Variants in CFAP20DC observed in about 807,000 individuals in gnomAD.
CFAP20DC encodes the protein protein CFAP20DC.
In CFAP20DC, 84 loss-of-function variants were observed where a neutral mutation model predicts 101.7. That is an observed-to-expected ratio of 0.83 (90% CI 0.69 to 0.99). The LOEUF (loss-of-function observed/expected upper bound fraction) is 0.99, where lower values mean the gene tolerates loss of function less well. Ranked by LOEUF, CFAP20DC falls within the 50% of genes least tolerant of loss-of-function variation. The probability of loss-of-function intolerance (pLI) is 0.00; values close to 1 mark genes in which losing one functional copy is unlikely to be tolerated. For synonymous variants in CFAP20DC, 359 were observed against 351.2 expected (o/e 1.02, Z -0.25); for missense variants, 1,007 against 970.3 (o/e 1.04, Z -0.50).
At chr3:58,785,599 C>T (rs2072260148) in intron 15 of CFAP20DC, among the ~76,000 whole-genome samples, 6 of 151,988 alleles carry the variant, frequency 3.9e-5, no homozygotes, top group Admixed American at 3.9e-4. Context: ...TCTTTTTACC[C>T]ACCAGAAGGA....
intron 13 of CFAP20DC, among the ~76,000 whole-genome samples, chr3:58,834,180 G>C (rs1424970045): frequency 1.3e-5 from 2 of 152,166 alleles, no homozygotes; most frequent in Non-Finnish European, 2.9e-5. Flanking sequence ...CTTTAAAAGA[G>C]TGAATTTTAT....
intron 15 of CFAP20DC, among the ~76,000 whole-genome samples, chr3:58,800,650 T>C (rs557424211): frequency 2.0e-5 from 3 of 152,262 alleles, no homozygotes; most frequent in East Asian, 3.9e-4. Context: ...CTATTATTAA[T>C]TATTATGTCT....
intron 3 of CFAP20DC, chr3:58,727,534 T>C (rs1190384308): frequency 6.6e-6 from 1 of 152,244 alleles, no homozygotes; most frequent in Non-Finnish European, 1.5e-5. Flanking sequence ...CCTCCTGGGT[T>C]CACGCCATTC....
chr3:58,920,708 G>A (rs915515251), intron 5 of CFAP20DC, among the ~76,000 whole-genome samples: 1 of 152,128 alleles, frequency 6.6e-6, no homozygotes, highest in African/African-American at 2.4e-5. Context: ...GTGTTAAGGA[G>A]CCATATGTCC....
At chr3:59,042,446 T>C (rs1053668322) in intron 3 of CFAP20DC, among the ~76,000 whole-genome samples, 1 of 151,950 alleles carries the variant, frequency 6.6e-6, no homozygotes, top group African/African-American at 2.4e-5. Flanking sequence ...CGGGGGTAAA[T>C]GCTGTAGGTA....
Position 58,811,186 on chromosome 3 carries a change from C to G in CFAP20DC, c.2176-4730G>C, listed in dbSNP as rs555974600. 4.5e-3 allele frequency among the ~76,000 whole-genome samples: 683 copies of G among 152,150 alleles called. 5 individuals carry two copies. The highest frequency in any genetic ancestry group is 0.016 in the African/African-American group (646 of 41,494). On this transcript the variant is annotated intron_variant, in intron 14 of 16. Coordinates refer to ENST00000482387, the MANE Select transcript of CFAP20DC (RefSeq NM_001394063.1). The stretch of plus-strand genomic sequence containing the variant: ...ATCAAGCTACCAATGACTTTCTTCA[C>G]AGAATTGGAAAAAACTACTTTAAAG...
intron 6 of CFAP20DC, among the ~76,000 whole-genome samples, chr3:58,893,902 G>C (rs902933103): frequency 3.9e-5 from 6 of 152,122 alleles, no homozygotes; most frequent in Non-Finnish European, 5.9e-5. Context: ...AGTTCCACGT[G>C]GCTGGAGAGG....
chr3:58,951,804 GT>G (rs762270699), intron 4 of CFAP20DC, among the ~76,000 whole-genome samples: 13 of 152,094 alleles, frequency 8.5e-5, no homozygotes, highest in Non-Finnish European at 1.9e-4. Context: ...TACACCTAAT[GT>G]TAAATGACGA....
intron 15 of CFAP20DC, among the ~76,000 whole-genome samples, chr3:58,783,809 CA>C (rs1032123979): frequency 1.4e-4 from 22 of 151,844 alleles, no homozygotes; most frequent in Admixed American, 1.4e-3. Flanking sequence ...ACCCCAAAAA[CA>C]AAAAACATGA....
chr3:58,945,697 C>CTTTT (rs66828789), intron 4 of CFAP20DC, among the ~76,000 whole-genome samples: 4 of 138,498 alleles, frequency 2.9e-5, no homozygotes, highest in African/African-American at 7.9e-5. Flanking sequence ...AAGTCACTTT[C>CTTTT]TTTTTTTTTT....
intron 15 of CFAP20DC, among the ~76,000 whole-genome samples, chr3:58,761,369 A>G (rs1281337536): frequency 6.6e-6 from 1 of 151,932 alleles, no homozygotes; most frequent in African/African-American, 2.4e-5. Flanking sequence ...TTTCTGTGGG[A>G]TTGGTGGTGA....
At chr3:58,925,903 C>A (rs1222890592) in intron 5 of CFAP20DC, among the ~76,000 whole-genome samples, 1 of 152,158 alleles carries the variant, frequency 6.6e-6, no homozygotes, top group Admixed American at 6.5e-5. Flanking sequence ...GACCCTAAAA[C>A]TAAAGCTAGG....
At chr3:59,017,809 G>A (rs1300788976) in intron 4 of CFAP20DC, 1 of 152,088 alleles carries the variant, frequency 6.6e-6, no homozygotes, top group Non-Finnish European at 1.5e-5. Context: ...GCAGGCTTCA[G>A]GAATGATTGA....
At chr3:59,008,626 A>G (rs1576688878) in intron 4 of CFAP20DC, among the ~76,000 whole-genome samples, 1 of 151,966 alleles carries the variant, frequency 6.6e-6, no homozygotes, top group South Asian at 2.1e-4. Context: ...AACCAAACAC[A>G]GCATGTTCTC....
chr3:58,744,446 T>C (rs189356326), intron 16 of CFAP20DC, among the ~76,000 whole-genome samples: 7 of 152,256 alleles, frequency 4.6e-5, no homozygotes, highest in Admixed American at 2.0e-4. Context: ...AATTTAGACA[T>C]AGAAAAGACT....
chr3:58,782,616 T>C (rs1478304427), intron 15 of CFAP20DC, among the ~76,000 whole-genome samples: 1 of 152,078 alleles, frequency 6.6e-6, no homozygotes, highest in Non-Finnish European at 1.5e-5. Flanking sequence ...ATTAGTATCA[T>C]TTCTATACAC....
chr3:58,760,345 T>G (rs1159526387), intron 15 of CFAP20DC, among the ~76,000 whole-genome samples: 1 of 152,240 alleles, frequency 6.6e-6, no homozygotes, highest in Non-Finnish European at 1.5e-5. Flanking sequence ...TGTCTGTTAT[T>G]GGTGTATAAG....
rs1286524348 is a variant in CFAP20DC, at chr3:58,742,782, C to T, written c.2333-210G>A. Among the ~76,000 whole-genome samples the T allele has an allele frequency of 3.3e-5, 5 of 152,206 alleles. No individual in the cohort carries two copies. In the East Asian group the frequency reaches 9.7e-4, roughly 29 times the overall value. The stretch of plus-strand genomic sequence containing the variant: ...AAGAAACACCAGTGACCAGAAGGAC[C>T]AACTTCTTGACAAAGGACAAGAAAA... On this transcript the variant is annotated intron_variant, in intron 16 of 16. Coordinates refer to ENST00000482387, the MANE Select transcript of CFAP20DC (RefSeq NM_001394063.1).
At chr3:58,947,103 T>A (rs570866229) in intron 4 of CFAP20DC, among the ~76,000 whole-genome samples, 19 of 152,304 alleles carry the variant, frequency 1.2e-4, no homozygotes, top group Admixed American at 1.2e-3. Flanking sequence ...TACAAGTCTA[T>A]CTGACAACTC....
Sources: gnomAD v4.1 joint callset for allele counts (sites outside exome capture counted in the v4.1 genomes callset) on GRCh38, gnomAD v4.1.1 for gene constraint, MANE v1.5 for transcripts, NCBI Gene and HGNC (gene_info 2026-07-23, HGNC 2026-07-21) for gene names.